The following PPP1R12A variants were observed in gnomAD, a reference collection of about 807,000 sequenced individuals.
PPP1R12A encodes myosin binding subunit.
PPP1R12A carries 19 observed loss-of-function variants against 139.6 expected under a neutral mutation model. The ratio of observed to expected loss-of-function variants is 0.14; its 90% CI spans 0.09 to 0.20. The LOEUF (loss-of-function observed/expected upper bound fraction) is 0.20. PPP1R12A is among the 10% of genes least tolerant of loss of function. The pLI, the probability that PPP1R12A is intolerant of heterozygous loss-of-function variation, is 1.00. For synonymous variants in PPP1R12A, 427 were observed against 420.6 expected (o/e 1.02, Z -0.19); for missense variants, 925 against 1,211.5 (o/e 0.76, Z 3.51).
At chr12:79,853,312 G>C (rs1307918529) in intron 2 of PPP1R12A, among the ~76,000 whole-genome samples, 1 of 152,140 alleles carries the variant, frequency 6.6e-6, no homozygotes, top group African/African-American at 2.4e-5. Flanking sequence ...AGCTTCTTTA[G>C]CTCTAATTAT....
chr12:79,778,008 A>G (rs1245882945), intron 24 of PPP1R12A, among the ~76,000 whole-genome samples: 1 of 152,130 alleles, frequency 6.6e-6, no homozygotes, highest in Non-Finnish European at 1.5e-5. Context: ...TATGAAGGAC[A>G]GTGTGGTAAG....
At chr12:79,924,980 G>C (rs960236063) in intron 1 of PPP1R12A, among the ~76,000 whole-genome samples, 1 of 151,950 alleles carries the variant, frequency 6.6e-6, no homozygotes, top group African/African-American at 2.4e-5. Flanking sequence ...TATTAACCAT[G>C]ATGACTACAT....
intron 9 of PPP1R12A, among the ~76,000 whole-genome samples, chr12:79,814,815 C>CAAAAAAAAA (rs149384466): frequency 7.2e-5 from 5 of 69,744 alleles, no homozygotes; most frequent in African/African-American, 2.0e-4. Context: ...AACTCTGTCT[C>CAAAAAAAAA]AAAAAAAAAA....
chr12:79,792,272 C>T (rs1227572955), intron 19 of PPP1R12A, among the ~76,000 whole-genome samples: 1 of 152,130 alleles, frequency 6.6e-6, no homozygotes, highest in African/African-American at 2.4e-5. Flanking sequence ...GGTGAGATGA[C>T]ACATGGCCCA....
Position 79,817,507 on chromosome 12 carries a change from G to A in PPP1R12A, c.1126C>T (p.Pro376Ser). 6.3e-7 allele frequency: 1 copy of A among 1,588,788 alleles called. No individual in the cohort carries two copies. Among genetic ancestry groups the A allele is most frequent in the Non-Finnish European group, 8.6e-7 (1 of 1,165,728 alleles). ...ESEAETDKTK[P>S]LASVTNANTS... is the part of the protein sequence containing the mutation. ...TTGGCATTAGTTACAGAAGCCAGGG[G>A]TTTTGTCTTATCTATTAAAGACAAA... The change falls in exon 9 of 25, where the codon CCC (proline) becomes TCC (serine). Residue 376 changes from proline to serine, a missense_variant. By Grantham distance (74) the Pro-to-Ser change is moderately conservative (BLOSUM62 -1). Coordinates refer to ENST00000450142, the MANE Select transcript of PPP1R12A (RefSeq NM_002480.3).
At chr12:79,779,367 C>T (rs981688713) in intron 23 of PPP1R12A, 2 of 1,287,954 alleles carry the variant, frequency 1.6e-6, no homozygotes, top group Non-Finnish European at 2.0e-6. Flanking sequence ...AGATACAAAC[C>T]ATTTAAATTT....
intron 3 of PPP1R12A, among the ~76,000 whole-genome samples, chr12:79,844,668 T>C (rs377387046): frequency 6.6e-6 from 1 of 152,184 alleles, no homozygotes; most frequent in South Asian, 2.1e-4. Flanking sequence ...TAACAAATCA[T>C]GTCAATCCTC....
intron 1 of PPP1R12A, among the ~76,000 whole-genome samples, chr12:79,927,254 T>C (rs1329090544): frequency 6.6e-6 from 1 of 152,040 alleles, no homozygotes; most frequent in African/African-American, 2.4e-5. Context: ...TAAATTGCTA[T>C]TAGGGTAAAG....
intron 1 of PPP1R12A, among the ~76,000 whole-genome samples, chr12:79,876,925 C>T (rs537981335): frequency 1.4e-4 from 21 of 152,120 alleles, no homozygotes; most frequent in African/African-American, 5.1e-4. Context: ...ACAGGAGAAC[C>T]GCTTGACCCC....
intron 14 of PPP1R12A, among the ~76,000 whole-genome samples, chr12:79,799,187 C>T (rs1218949004): frequency 6.6e-6 from 1 of 151,910 alleles, no homozygotes; most frequent in Non-Finnish European, 1.5e-5. Flanking sequence ...CTCGCTCTGT[C>T]GCCCAGGCTG....
intron 14 of PPP1R12A, among the ~76,000 whole-genome samples, chr12:79,801,934 C>T (rs1414942048): frequency 3.3e-5 from 5 of 152,054 alleles, no homozygotes; most frequent in Admixed American, 6.5e-5. Flanking sequence ...ATGAAAATTC[C>T]ATCACTATTA....
At chr12:79,835,069 TC>T (rs1317078397) in intron 3 of PPP1R12A, among the ~76,000 whole-genome samples, 2 of 152,134 alleles carry the variant, frequency 1.3e-5, no homozygotes, top group East Asian at 3.9e-4. Flanking sequence ...ACAGGCACAA[TC>T]CAATCACCTG....
intron 1 of PPP1R12A, among the ~76,000 whole-genome samples, chr12:79,874,958 T>C (rs998085896): frequency 1.3e-5 from 2 of 152,182 alleles, no homozygotes; most frequent in Admixed American, 6.5e-5. Flanking sequence ...TGCTGATTCC[T>C]TCTCATTAAA....
chr12:79,923,880 T>C (rs976195673), intron 1 of PPP1R12A, among the ~76,000 whole-genome samples: 6 of 151,912 alleles, frequency 3.9e-5, no homozygotes, highest in African/African-American at 1.5e-4. Context: ...CAGTCTCTAC[T>C]AAAAATAAGA....
intron 21 of PPP1R12A, chr12:79,787,929 T>C (rs563227354): frequency 6.6e-6 from 1 of 152,232 alleles, no homozygotes; most frequent in South Asian, 2.1e-4. Context: ...ATAAGGTCTC[T>C]CTCCACTACA....
intron 2 of PPP1R12A, among the ~76,000 whole-genome samples, chr12:79,860,858 C>CTGGTGGTGG (rs569171201): frequency 6.6e-6 from 1 of 151,906 alleles, no homozygotes; most frequent in Non-Finnish European, 1.5e-5. Context: ...AGTAATCATA[C>CTGGTGGTGG]TGGTGGTGGT....
Position 79,788,760 on chromosome 12 carries a change from G to A in PPP1R12A, c.2690C>T (p.Ala897Val). The change falls in exon 21 of 25, where the codon GCT (alanine) becomes GTT (valine). Residue 897 changes from alanine to valine, a missense_variant. Ala to Val is a moderately conservative substitution (Grantham distance 64, BLOSUM62 0). Coordinates refer to ENST00000450142, the MANE Select transcript of PPP1R12A (RefSeq NM_002480.3). ...CAGCAAGGAATCATATCGATCACCA[G>A]CTGATGTAGAACTGGTTTCATATCT... is the stretch of plus-strand genomic sequence containing the variant. ...ISRYETSSTS[A>V]GDRYDSLLGR... 3.7e-6 allele frequency: 6 copies of A among 1,610,414 alleles called. No individual in the cohort carries two copies. Among genetic ancestry groups the A allele is most frequent in the Non-Finnish European group, 5.1e-6 (6 of 1,178,028 alleles).
At chr12:79,870,925 T>C (rs1180780546) in intron 2 of PPP1R12A, among the ~76,000 whole-genome samples, 2 of 152,206 alleles carry the variant, frequency 1.3e-5, no homozygotes, top group Non-Finnish European at 2.9e-5. Context: ...ACTGGAGGGC[T>C]CTCTGGGAAA....
chr12:79,865,859 GAA>G (rs997389426), intron 2 of PPP1R12A, among the ~76,000 whole-genome samples: 8 of 152,170 alleles, frequency 5.3e-5, no homozygotes, highest in African/African-American at 1.9e-4. Context: ...CTCATGGACA[GAA>G]AGAATCAATA....
Sources: allele counts gnomAD v4.1 joint callset (sites outside exome capture counted in the v4.1 genomes callset), GRCh38; gene constraint gnomAD v4.1.1; transcripts MANE v1.5; gene names NCBI Gene and HGNC (gene_info 2026-07-23, HGNC 2026-07-21).